Variants in PRKCQ observed in about 807,000 individuals in gnomAD.
The protein encoded by PRKCQ is protein kinase C theta type.
In PRKCQ, 41 loss-of-function variants were observed where a neutral mutation model predicts 91.2. That is an observed-to-expected ratio of 0.45 (90% CI 0.35 to 0.58). The LOEUF is 0.58. Among genes scored for constraint, PRKCQ ranks in the 20% least tolerant of loss-of-function variants. PRKCQ has a pLI of 0.00. For missense variants in PRKCQ, 673 were observed against 896.5 expected, an observed-to-expected ratio of 0.75 and a Z score of 3.18; for synonymous variants, 307 against 316.9, an observed-to-expected ratio of 0.97 and a Z score of 0.33.
intron 15 of PRKCQ, among the ~76,000 whole-genome samples, chr10:6,454,503 T>C (rs1834902435): frequency 6.6e-6 from 1 of 152,220 alleles, no homozygotes; most frequent in East Asian, 1.9e-4. Flanking sequence ...GGTCCAATTA[T>C]AGAAGGTGTT....
chr10:6,413,603 C>CACAT, the PRKCQ span, among the ~76,000 whole-genome samples: 10 of 99,670 alleles, frequency 1.0e-4, no homozygotes, highest in Admixed American at 7.8e-4. Flanking sequence ...CACACACACA[C>CACAT]ACACTAGGAA....
chr10:6,505,828 T>C lies in PRKCQ; in HGVS notation c.379+1608A>G, dbSNP rs117026575. On this transcript the variant is annotated intron_variant, in intron 4 of 17. Transcript: ENST00000263125. Reference sequence around the variant, plus strand: ...CTCTGGCTAATTTTTGTATTTTTGGTAGAGAATGGGTTTTGCCATGTTGCC... The same window carrying C: ...CTCTGGCTAATTTTTGTATTTTTGGCAGAGAATGGGTTTTGCCATGTTGCC... 2.0e-3 allele frequency among the ~76,000 whole-genome samples: 305 copies of C among 152,104 alleles called. 2 individuals carry two copies. In the East Asian group the frequency reaches 0.03, roughly 15 times the overall value.
chr10:6,568,572 A>G (rs577110987), intron 1 of PRKCQ, among the ~76,000 whole-genome samples: 2 of 145,000 alleles, frequency 1.4e-5, no homozygotes, highest in South Asian at 4.3e-4. Context: ...ATCTTGGTTC[A>G]CTGCAAGCTC....
chr10:6,395,185 TC>T, the PRKCQ span, among the ~76,000 whole-genome samples: 21 of 149,496 alleles, frequency 1.4e-4, no homozygotes, highest in African/African-American at 4.7e-4. Context: ...CGCTTCAGCC[TC>T]CCGAGTAGCT....
the PRKCQ span, among the ~76,000 whole-genome samples, chr10:6,397,374 A>G: frequency 6.6e-6 from 1 of 151,846 alleles, no homozygotes; most frequent in African/African-American, 2.4e-5. Flanking sequence ...GATTACAGGC[A>G]TGAGCCACCA....
At chr10:6,424,071 G>C (rs1833064150), downstream of PRKCQ, among the ~76,000 whole-genome samples, 1 of 152,080 alleles carries the variant, frequency 6.6e-6, no homozygotes, top group African/African-American at 2.4e-5. Flanking sequence ...CAACATCACT[G>C]TCACTCTAGG....
chr10:6,494,816 G>T (rs1452425614), intron 7 of PRKCQ, among the ~76,000 whole-genome samples: 1 of 152,106 alleles, frequency 6.6e-6, no homozygotes, highest in Non-Finnish European at 1.5e-5. Flanking sequence ...AAATTTATAG[G>T]GTTGGGCCCT....
Position 6,515,113 on chromosome 10 carries a change from C to G in PRKCQ, c.23G>C (p.Gly8Ala). The change falls in exon 2 of 18, where the codon GGC (glycine) becomes GCC (alanine). Residue 8 changes from glycine to alanine, a missense_variant. Gly to Ala is a moderately conservative substitution (Grantham distance 60). Transcript: ENST00000263125. The stretch of plus-strand genomic sequence containing the variant: ...GGACCCGCAGTCAAAGTTGGACAAG[C>G]CAATCCGAAGAAATGGCGACATGGT... MSPFLRI[G>A]LSNFDCGSCQ... 6.2e-7 allele frequency: 1 copy of G among 1,613,704 alleles called. No homozygotes were observed. The highest frequency in any genetic ancestry group is 1.7e-4 in the Middle Eastern group (1 of 6,056).
chr10:6,429,354 C>G (rs1268045559), intron 17 of PRKCQ, among the ~76,000 whole-genome samples: 2 of 152,148 alleles, frequency 1.3e-5, no homozygotes, highest in African/African-American at 4.8e-5. Flanking sequence ...ATGACTAACC[C>G]ACGTATTAGA....
chr10:6,438,303 T>C (rs1022214909), intron 16 of PRKCQ, among the ~76,000 whole-genome samples: 1 of 152,242 alleles, frequency 6.6e-6, no homozygotes, highest in Admixed American at 6.5e-5. Context: ...TGGAAGTGTA[T>C]TCCCTTTACA....
chr10:6,516,355 T>C (rs933882042), intron 1 of PRKCQ, among the ~76,000 whole-genome samples: 2 of 152,204 alleles, frequency 1.3e-5, no homozygotes, highest in African/African-American at 4.8e-5. Flanking sequence ...CCTGCAGAGT[T>C]TGGAAGTTTT....
intron 1 of PRKCQ, among the ~76,000 whole-genome samples, chr10:6,575,972 A>G (rs56061394): frequency 0.11 from 16,807 of 152,152 alleles, 1,155 homozygotes; most frequent in Non-Finnish European, 0.16. Context: ...CCTGGGAGGT[A>G]GAGGTTGCAG....
At chr10:6,446,599 C>T (rs1834317854) in intron 15 of PRKCQ, among the ~76,000 whole-genome samples, 1 of 152,066 alleles carries the variant, frequency 6.6e-6, no homozygotes, top group Non-Finnish European at 1.5e-5. Flanking sequence ...CTCCTGACCT[C>T]AGGTGATCCG....
At chr10:6,408,779 C>G in the PRKCQ span, among the ~76,000 whole-genome samples, 1 of 152,316 alleles carries the variant, frequency 6.6e-6, no homozygotes, top group African/African-American at 2.4e-5. Context: ...TGCTATTTAT[C>G]CACTCAAACG....
At chr10:6,544,676 A>G (rs1464007523) in intron 1 of PRKCQ, among the ~76,000 whole-genome samples, 3 of 149,566 alleles carry the variant, frequency 2.0e-5, no homozygotes, top group Non-Finnish European at 4.4e-5. Flanking sequence ...GCTGGAGTGC[A>G]GTGGCATGAT....
At chr10:6,495,746 T>C (rs1837550960) in intron 7 of PRKCQ, among the ~76,000 whole-genome samples, 1 of 151,952 alleles carries the variant, frequency 6.6e-6, no homozygotes, top group Non-Finnish European at 1.5e-5. Context: ...GAGAAGGAAG[T>C]CAAAAGATTT....
At chr10:6,420,174 A>C in the PRKCQ span, among the ~76,000 whole-genome samples, 3 of 152,124 alleles carry the variant, frequency 2.0e-5, no homozygotes, top group African/African-American at 7.2e-5. Flanking sequence ...TTTTTAGTAG[A>C]GATGGGGTTT....
intron 7 of PRKCQ, among the ~76,000 whole-genome samples, chr10:6,494,301 TTTTG>T (rs1177213504): frequency 6.6e-6 from 1 of 152,184 alleles, no homozygotes; most frequent in Non-Finnish European, 1.5e-5. Flanking sequence ...GACTTGACTG[TTTTG>T]TTTATCTGTC....
intron 4 of PRKCQ, among the ~76,000 whole-genome samples, chr10:6,504,159 A>G (rs1380560702): frequency 6.6e-6 from 1 of 152,168 alleles, no homozygotes; most frequent in East Asian, 1.9e-4. Context: ...CTACCATGAA[A>G]TCTCTCTGCA....
Sources: gnomAD v4.1 joint callset for allele counts (sites outside exome capture counted in the v4.1 genomes callset) on GRCh38, gnomAD v4.1.1 for gene constraint, MANE v1.5 for transcripts, NCBI Gene and HGNC (gene_info 2026-07-23, HGNC 2026-07-21) for gene names.